GDF1: variants seen among roughly 807,000 people sequenced by gnomAD.
The protein encoded by GDF1 is embryonic growth/differentiation factor 1.
A neutral mutation model predicts 7.4 loss-of-function variants in GDF1; 8 were observed. The observed-to-expected ratio is 1.09, with a 90% confidence interval of 0.64 to 1.96. The LOEUF (loss-of-function observed/expected upper bound fraction) is 1.96, where lower values mean the gene tolerates loss of function less well. GDF1 is among the 30% of genes most tolerant of loss of function. The pLI is 0.00. For missense variants in GDF1, 574 were observed against 551.5 expected (o/e 1.04, Z -0.41); for synonymous variants, 311 against 276.7 (o/e 1.12, Z -1.23).
intron 2 of GDF1, among the ~76,000 whole-genome samples, chr19:18,889,130 G>A (rs989888644): frequency 2.6e-5 from 4 of 151,912 alleles, no homozygotes; most frequent in African/African-American, 9.7e-5. Context: ...GGCCTCAAGT[G>A]ATCCGCCCAC....
Position 18,870,104 on chromosome 19 carries a change from G to C in GDF1, c.204C>G (p.Arg68=), listed in dbSNP as rs762463853. 235 of 1,570,344 alleles carry C rather than the reference G, an allele frequency of 1.5e-4. No homozygotes were observed. Among genetic ancestry groups the C allele is most frequent in the Non-Finnish European group, 2.0e-4 (230 of 1,162,832 alleles). ...CAGACCTGGTCTCCTGGGGGTCCCG[G>C]CGTCGAAACAGGCGCCACATGACCG... ...VPPVMWRLFR[R]RDPQETRSGS... is the part of the protein sequence containing the mutation. Residue 68 remains arginine (R), a synonymous_variant, in exon 7 of 8, where the codon CGC becomes CGG. Transcript: ENST00000247005. This position sits in a 1 kb window ranked among gnomAD's most constrained non-coding sequence, Gnocchi z 5.1.
intron 6 of GDF1, among the ~76,000 whole-genome samples, chr19:18,874,909 G>A (rs983851266): frequency 2.0e-5 from 3 of 152,140 alleles, no homozygotes; most frequent in Non-Finnish European, 2.9e-5. Flanking sequence ...AGTGGTTCTC[G>A]GTCTTGGTTT....
intron 2 of GDF1, among the ~76,000 whole-genome samples, chr19:18,890,235 A>C (rs529273251): frequency 7.9e-5 from 12 of 152,262 alleles, no homozygotes; most frequent in Admixed American, 7.8e-4. Context: ...GTCCCTGCTA[A>C]AAACTGCCCC....
At chr19:18,872,571 G>A (rs1163877139) in intron 6 of GDF1, among the ~76,000 whole-genome samples, 11 of 150,282 alleles carry the variant, frequency 7.3e-5, no homozygotes, top group South Asian at 2.1e-4. Context: ...GCGGGAATGC[G>A]GTGGCACGAT....
intron 2 of GDF1, among the ~76,000 whole-genome samples, chr19:18,887,060 G>A (rs1261802160): frequency 1.3e-5 from 2 of 152,218 alleles, no homozygotes; most frequent in Admixed American, 6.5e-5. Flanking sequence ...ATACTCATGT[G>A]TCCCTGTCTA....
rs1555705560 is a variant in GDF1, at chr19:18,885,522, T to TG, written c.-913-1256_-913-1255insC. Among the ~76,000 whole-genome samples the TG allele has an allele frequency of 4.8e-3, 665 of 138,340 alleles. 4 individuals are homozygous for TG. The highest frequency in any genetic ancestry group is 0.012 in the Middle Eastern group (3 of 256). The allele number at this position is 138,340 out of a possible 152,430, so 90.8% of individuals were successfully genotyped here. A position where few individuals can be genotyped will look rare whatever the true frequency, so the allele number is the denominator to read the frequency against. ...CAGCGCCCCTTCTCGTTTTTTTTTTTTTTTTTTTTTTTTTTGAGATGGAGT... is the reference window on the plus strand; with the variant it reads ...CAGCGCCCCTTCTCGTTTTTTTTTTTGTTTTTTTTTTTTTTTGAGATGGAGT... On this transcript the variant is annotated intron_variant, in intron 2 of 7. Coordinates refer to ENST00000247005, the MANE Select transcript of GDF1 (RefSeq NM_001492.6).
At position 18,880,337 on chromosome 19, in the gene GDF1, C is replaced by A; in HGVS notation, c.-634G>T. 1 of 1,556,136 alleles carries A rather than the reference C, an allele frequency of 6.4e-7. No individual in the cohort carries two copies. Among genetic ancestry groups the A allele is most frequent in the Non-Finnish European group, 8.7e-7 (1 of 1,149,998 alleles). The stretch of plus-strand genomic sequence containing the variant: ...CAAGGCATGCAGCCGATGGTAGGAG[C>A]CGCCGCGGGACTTGAAGTAAATGTT... On this transcript the variant is annotated 5_prime_UTR_variant, in exon 4 of 8. Transcript: ENST00000247005.
intron 6 of GDF1, among the ~76,000 whole-genome samples, chr19:18,871,337 C>T (rs1343920582): frequency 6.6e-6 from 1 of 151,514 alleles, no homozygotes; most frequent in African/African-American, 2.4e-5. Flanking sequence ...AGCGATTCTC[C>T]TGCCTCAGCC....
rs1156602877 is a variant in GDF1 at position 18,895,806 on chromosome 19, GC to G, written c.-1074+17del. ...CCCAGTCCGGGGTCCCCTCGTCCCG[GC>G]CCCCGGCCACACTGACCCGAAAGAG... On this transcript the variant is annotated intron_variant, in intron 1 of 7. Transcript: ENST00000247005. This position sits in a 1 kb window ranked among gnomAD's most constrained non-coding sequence, Gnocchi z 6.4. 3.3e-5 allele frequency: 40 copies of G among 1,222,930 alleles called. No individual in the cohort carries two copies. Among genetic ancestry groups the G allele is most frequent in the South Asian group, 1.8e-4 (8 of 43,296 alleles). 75.8% of individuals were successfully genotyped at this position (1,222,930 alleles called of 1,614,324 possible). A position where few individuals can be genotyped will look rare whatever the true frequency, so the allele number is the denominator to read the frequency against.
chr19:18,896,027 TG>T lies in GDF1; in HGVS notation c.-1278del. ...TGCACTAGCTGCGCGTAGCTCGGCA[TG>T]GGCTCGGGCCCCGTCGGCCCCGCCG... is the stretch of plus-strand genomic sequence containing the variant. On this transcript the variant is annotated 5_prime_UTR_variant, in exon 1 of 8. The change creates a premature stop within an existing upstream ORF in the 5' untranslated region. Transcript: ENST00000247005. This position sits in a 1 kb window ranked among gnomAD's most constrained non-coding sequence, Gnocchi z 5.9. 1 of 1,000,538 alleles carries T rather than the reference TG, an allele frequency of 1.0e-6. No homozygotes were observed. The highest frequency in any genetic ancestry group is 4.2e-5 in the South Asian group (1 of 23,758). 62.0% of individuals were successfully genotyped at this position (1,000,538 alleles called of 1,614,324 possible).
chr19:18,893,649 G>A (rs2056553032), intron 1 of GDF1, 74 bp from the exon 2 acceptor site: 1 of 1,447,314 alleles, frequency 6.9e-7, no homozygotes, highest in African/African-American at 1.4e-5. Context: ...TGGGGAAACT[G>A]AGGCCCAGGG....
chr19:18,868,898 T>G lies in GDF1; in HGVS notation c.818A>C (p.Tyr273Ser). 2 of 1,410,890 alleles carry G rather than the reference T, an allele frequency of 1.4e-6. No homozygotes were observed. The highest frequency in any genetic ancestry group is 2.5e-5 in the South Asian group (2 of 79,332). The allele number at this position is 1,410,890 out of a possible 1,614,324, so 87.4% of individuals were successfully genotyped here. A position where few individuals can be genotyped will look rare whatever the true frequency, so the allele number is the denominator to read the frequency against. The change falls in exon 8 of 8, where the codon TAC becomes TCC. Residue 273 changes from tyrosine (Y) to serine (S), a missense_variant. Coordinates refer to ENST00000247005, the MANE Select transcript of GDF1 (RefSeq NM_001492.6). ...PGGACRARRL[Y>S]VSFREVGWHR... is the part of the protein sequence containing the mutation. Reference sequence around the variant, plus strand: ...CCAGCCCACCTCGCGGAAGCTCACGTACAGCCGCCGCGCGCGACAAGCGCC... The same window carrying G: ...CCAGCCCACCTCGCGGAAGCTCACGGACAGCCGCCGCGCGCGACAAGCGCC...
At chr19:18,888,889 CTTTTTTTTT>C (rs756124590) in intron 2 of GDF1, among the ~76,000 whole-genome samples, 1 of 122,926 alleles carries the variant, frequency 8.1e-6, no homozygotes, top group Admixed American at 8.3e-5. Context: ...TTCTTTCTTT[CTTTTTTTTT>C]TTTTTTTTTT....
intron 1 of GDF1, among the ~76,000 whole-genome samples, chr19:18,893,845 G>T (rs1033566951): frequency 5.9e-5 from 9 of 152,048 alleles, no homozygotes; most frequent in Non-Finnish European, 1.2e-4. Context: ...GGGGCCAGAA[G>T]GGGGACACTT....
intron 3 of GDF1, among the ~76,000 whole-genome samples, chr19:18,882,827 G>A (rs1327814044): frequency 6.6e-6 from 1 of 151,744 alleles, no homozygotes; most frequent in African/African-American, 2.4e-5. Flanking sequence ...TGAGTAGCTG[G>A]GACTACAGGC....
In GDF1 at chr19:18,895,054, C is replaced by T. The variant is rs1396396839; in HGVS notation, c.-1074+770G>A. ...ACTCTCTCGCAGGGGCGATGGTCTC[C>T]GCAGAAACTGGGGAATTCTGCTGTC... On this transcript the variant is annotated intron_variant, in intron 1 of 7. Coordinates refer to ENST00000247005, the MANE Select transcript of GDF1 (RefSeq NM_001492.6). The surrounding 1 kb of genome is among the most constrained non-coding windows in gnomAD (Gnocchi z 6.4). Among the ~76,000 whole-genome samples the T allele has an allele frequency of 6.6e-6, 1 of 152,236 alleles. No homozygotes were observed.
chr19:18,869,227 C>A lies in GDF1; in HGVS notation c.489G>T (p.Trp163Cys). 7.2e-7 allele frequency: 1 copy of A among 1,381,314 alleles called. No individual in the cohort carries two copies. The highest frequency in any genetic ancestry group is 9.3e-7 in the Non-Finnish European group (1 of 1,078,522). 85.6% of individuals were successfully genotyped at this position (1,381,314 alleles called of 1,614,324 possible). ...AAAAAAPEGG[W>C]ELSVAQAGQG... ...GGCCCGCTTGCGCCACGCTCAGCTC[C>A]CAGCCGCCCTCCGGGGCTGCCGCCG... is the stretch of plus-strand genomic sequence containing the variant. Residue 163 changes from tryptophan to cysteine, a missense_variant, in exon 8 of 8, where the codon TGG (tryptophan) becomes TGT (cysteine). Coordinates refer to ENST00000247005, the MANE Select transcript of GDF1 (RefSeq NM_001492.6).
Position 18,878,968 on chromosome 19 carries a change from G to A in GDF1, c.-351C>T. On this transcript the variant is annotated 5_prime_UTR_variant, in exon 6 of 8. Coordinates refer to ENST00000247005, the MANE Select transcript of GDF1 (RefSeq NM_001492.6). The surrounding 1 kb of genome is among the most constrained non-coding windows in gnomAD (Gnocchi z 4.6). Reference sequence around the variant, plus strand: ...GCTTCAGGCTCTGGGCCTCGGCTGTGTCATACTCCCGCAGGTCCTTCAGCT... The same window carrying A: ...GCTTCAGGCTCTGGGCCTCGGCTGTATCATACTCCCGCAGGTCCTTCAGCT... 1 of 1,613,814 alleles carries A rather than the reference G, an allele frequency of 6.2e-7. No individual in the cohort carries two copies. The highest frequency in any genetic ancestry group is 2.2e-5 in the East Asian group (1 of 44,888).
chr19:18,884,384 G>C, intron 2 of GDF1, 117 bp from the exon 3 acceptor site: 1 of 907,822 alleles, frequency 1.1e-6, no homozygotes, highest in Non-Finnish European at 1.6e-6. Flanking sequence ...GTAACCATGC[G>C]TGTCTGACTG....
Sources: allele counts gnomAD v4.1 joint callset (sites outside exome capture counted in the v4.1 genomes callset), GRCh38; gene constraint gnomAD v4.1.1; non-coding constraint Gnocchi (gnomAD v3.1); transcripts MANE v1.5; gene names NCBI Gene and HGNC (gene_info 2026-07-23, HGNC 2026-07-21).